The following RASA3 variants were observed in gnomAD, a reference collection of about 807,000 sequenced individuals.
The protein encoded by RASA3 is ras GTPase-activating protein 3.
RASA3 carries 73 observed loss-of-function variants against 110.0 expected under a neutral mutation model. The observed-to-expected ratio is 0.66, with a 90% CI of 0.55 to 0.81. RASA3 has a LOEUF of 0.81. RASA3 is among the 30% of genes least tolerant of loss of function. RASA3 has a pLI of 0.00. For missense variants in RASA3, 976 were observed against 1,113.2 expected, an observed-to-expected ratio of 0.88 and a Z score of 1.75; for synonymous variants, 500 against 451.4, an observed-to-expected ratio of 1.11 and a Z score of -1.37.
At chr13:114,004,539 G>A (rs1261616847) in intron 18 of RASA3, among the ~76,000 whole-genome samples, 2 of 152,070 alleles carry the variant, frequency 1.3e-5, no homozygotes, top group South Asian at 4.1e-4. Flanking sequence ...CAGGCAGAAC[G>A]AAGCCACCTG....
At chr13:114,031,033 G>A (rs2054156643) in intron 4 of RASA3, among the ~76,000 whole-genome samples, 1 of 152,038 alleles carries the variant, frequency 6.6e-6, no homozygotes, top group Non-Finnish European at 1.5e-5. Flanking sequence ...GCAACTGTGT[G>A]TCCATCTGTG....
At position 114,048,393 on chromosome 13, in the gene RASA3, T is replaced by C. The variant is rs1928454; in HGVS notation, c.277+3659A>G. The stretch of plus-strand genomic sequence containing the variant: ...CCATTGGGAAGCCTCAGAGAGTCTC[T>C]AGGGGCTGGAGGGGCAAATGGAGGG... On this transcript the variant is annotated intron_variant, in intron 3 of 23. Transcript: ENST00000334062. This position sits in a 1 kb window ranked among gnomAD's most constrained non-coding sequence, Gnocchi z 4.3. Among the ~76,000 whole-genome samples, 53,831 of 151,342 alleles carry C rather than the reference T, an allele frequency of 0.36. 9,822 individuals carry two copies. Among genetic ancestry groups the C allele is most frequent in the Middle Eastern group, 0.48 (140 of 294 alleles).
chr13:114,019,014 G>A, intron 9 of RASA3, 95 bp from the exon 10 acceptor site: 1 of 1,476,434 alleles, frequency 6.8e-7, no homozygotes, highest in Non-Finnish European at 9.3e-7. Flanking sequence ...AGGTCGACTG[G>A]TCAGGAGGGT....
rs116727122 is a variant in RASA3 at position 113,988,877 on chromosome 13, T to C, written c.2245+3608A>G. ...CCCATCAGTCACCCATTGGTCCATC[T>C]GCCCATCACTCACCCATCTGTCCAT... On this transcript the variant is annotated intron_variant, in intron 22 of 23. Transcript: ENST00000334062. Among the ~76,000 whole-genome samples the C allele has an allele frequency of 7.3e-3, 877 of 119,352 alleles. 2 individuals are homozygous for C. The highest frequency in any genetic ancestry group is 0.023 in the African/African-American group (694 of 30,694). 78.3% of individuals were successfully genotyped at this position (119,352 alleles called of 152,430 possible).
chr13:114,101,093 G>A (rs1289119827), intron 1 of RASA3, among the ~76,000 whole-genome samples: 1 of 152,156 alleles, frequency 6.6e-6, no homozygotes, highest in African/African-American at 2.4e-5. Context: ...ACACCCACAT[G>A]GATGGCCTGT....
At chr13:114,074,237 G>A (rs924894538) in intron 1 of RASA3, among the ~76,000 whole-genome samples, 5 of 152,050 alleles carry the variant, frequency 3.3e-5, no homozygotes, top group East Asian at 1.9e-4. Flanking sequence ...GAACACTCTC[G>A]TCTTCCCAAA....
At chr13:114,012,512 A>C in intron 15 of RASA3, among the ~76,000 whole-genome samples, 1 of 123,844 alleles carries the variant, frequency 8.1e-6, no homozygotes. Context: ...CATTACACAC[A>C]CTCCCCACGC....
At chr13:114,053,980 G>A (rs2079195669) in intron 2 of RASA3, among the ~76,000 whole-genome samples, 1 of 152,064 alleles carries the variant, frequency 6.6e-6, no homozygotes, top group African/African-American at 2.4e-5. Flanking sequence ...ACAAAAATTA[G>A]CAGGGCATGG....
At chr13:114,052,964 T>TGGCCCC (rs1566531259) in intron 2 of RASA3, among the ~76,000 whole-genome samples, 4 of 54,600 alleles carry the variant, frequency 7.3e-5, no homozygotes, top group South Asian at 6.2e-4. Flanking sequence ...GGGGGAGAAA[T>TGGCCCC]CGCCACTGCT....
At chr13:114,128,817 C>T (rs1036986008) in intron 1 of RASA3, among the ~76,000 whole-genome samples, 3 of 152,238 alleles carry the variant, frequency 2.0e-5, no homozygotes, top group Non-Finnish European at 2.9e-5. Context: ...GGGGAGCCCA[C>T]GGCAGGCCCG....
chr13:114,075,673 C>G (rs11841473), intron 1 of RASA3, among the ~76,000 whole-genome samples: 5 of 47,030 alleles, frequency 1.1e-4, no homozygotes, highest in Admixed American at 2.6e-4. Context: ...CTCCCGTGTC[C>G]GCACCGCGTA....
intron 2 of RASA3, among the ~76,000 whole-genome samples, chr13:114,067,322 G>GTTCTGGGATA (rs2079473887): frequency 6.6e-6 from 1 of 152,262 alleles, no homozygotes. Context: ...TACTCCAGCA[G>GTTCTGGGATA]TTCTGGGATA....
rs148873542 is a variant in RASA3, at chr13:114,096,329, C to T, written c.56-22492G>A. On this transcript the variant is annotated intron_variant, in intron 1 of 23. Coordinates refer to ENST00000334062, the MANE Select transcript of RASA3 (RefSeq NM_007368.4). This position sits in a 1 kb window ranked among gnomAD's most constrained non-coding sequence, Gnocchi z 5.1. ...CCGACCCATGCCTCCTCTAGCAAATCGCCTCTCTCACAGTCACCTCAACAG... is the reference window on the plus strand; with the variant it reads ...CCGACCCATGCCTCCTCTAGCAAATTGCCTCTCTCACAGTCACCTCAACAG... Among the ~76,000 whole-genome samples, 10 of 152,282 alleles carry T rather than the reference C, an allele frequency of 6.6e-5. 1 individual carries two copies. The highest frequency in any genetic ancestry group is 2.1e-4 in the South Asian group (1 of 4,826).
chr13:113,995,930 A>C lies in RASA3; in HGVS notation c.2141+601T>G, dbSNP rs3892570. ...GACCCGGCTGATGGGGGGCCCGGCTAATGGGGGGGCCCGGCTAATGGGGGG... is the reference window on the plus strand; with the variant it reads ...GACCCGGCTGATGGGGGGCCCGGCTCATGGGGGGGCCCGGCTAATGGGGGG... On this transcript the variant is annotated intron_variant, in intron 21 of 23. Transcript: ENST00000334062. 5.5e-4 allele frequency among the ~76,000 whole-genome samples: 5 copies of C among 9,110 alleles called. 2 individuals carry two copies. Among genetic ancestry groups the C allele is most frequent in the Admixed American group, 2.9e-3 (2 of 688 alleles). The allele number at this position is 9,110 out of a possible 152,430, so 6.0% of individuals were successfully genotyped here. A position where few individuals can be genotyped will look rare whatever the true frequency, so the allele number is the denominator to read the frequency against.
rs541649291 is a variant in RASA3 at position 114,013,403 on chromosome 13, C to T, written c.1406-155G>A. On this transcript the variant is annotated intron_variant, in intron 14 of 23. Coordinates refer to ENST00000334062, the MANE Select transcript of RASA3 (RefSeq NM_007368.4). ...TGTCTCTCTCCCTCTCTCTGTTTCC[C>T]TCTCTCCCTCTCTCTGTTTCCCTCT... 1.9e-4 allele frequency among the ~76,000 whole-genome samples: 8 copies of T among 42,810 alleles called. 1 individual carries two copies. The South Asian group carries it at 5.2e-3, about 28-fold the overall frequency. The allele number at this position is 42,810 out of a possible 152,430, so 28.1% of individuals were successfully genotyped here.
At chr13:114,081,322 T>A (rs2079785332) in intron 1 of RASA3, among the ~76,000 whole-genome samples, 1 of 151,910 alleles carries the variant, frequency 6.6e-6, no homozygotes, top group Admixed American at 6.6e-5. Flanking sequence ...AGCCAGAAGG[T>A]TGTCCAGGCC....
intron 3 of RASA3, among the ~76,000 whole-genome samples, chr13:114,049,780 G>A (rs1034262301): frequency 6.6e-6 from 1 of 152,260 alleles, no homozygotes; most frequent in Admixed American, 6.5e-5. Flanking sequence ...GGCAGGGGCT[G>A]AGAACACAGG....
chr13:114,009,850 G>A (rs374243136), intron 16 of RASA3, among the ~76,000 whole-genome samples: 6 of 152,326 alleles, frequency 3.9e-5, no homozygotes, highest in Admixed American at 2.0e-4. Context: ...CCCATCTCTC[G>A]CCCGTGGGGC....
chr13:114,071,872 C>G (rs1322592452), intron 2 of RASA3, among the ~76,000 whole-genome samples: 1 of 152,194 alleles, frequency 6.6e-6, no homozygotes. Context: ...GTTGTTCATT[C>G]CCACTTGGAA....
Sources: gnomAD v4.1 joint callset for allele counts (sites outside exome capture counted in the v4.1 genomes callset) on GRCh38, gnomAD v4.1.1 for gene constraint, Gnocchi (gnomAD v3.1) non-coding constraint, MANE v1.5 for transcripts, NCBI Gene and HGNC (gene_info 2026-07-23, HGNC 2026-07-21) for gene names.